RPS6KC1: variants seen among roughly 807,000 people sequenced by gnomAD.
The protein encoded by RPS6KC1 is ribosomal protein S6 kinase C1.
Under a neutral mutation model 103.8 loss-of-function variants are expected in RPS6KC1, and 54 were observed. That is an observed-to-expected ratio of 0.52 (90% confidence interval 0.42 to 0.65). RPS6KC1 has a LOEUF of 0.65. RPS6KC1 is among the 30% of genes least tolerant of loss of function. The pLI is 0.00. For synonymous variants in RPS6KC1, 439 were observed against 438.7 expected (o/e 1.00, Z -0.01); for missense variants, 1,151 against 1,253.8 (o/e 0.92, Z 1.24).
intron 3 of RPS6KC1, among the ~76,000 whole-genome samples, chr1:213,097,215 A>G (rs1274544447): frequency 6.6e-6 from 1 of 152,180 alleles, no homozygotes; most frequent in African/African-American, 2.4e-5. Flanking sequence ...TTAGCCAGGC[A>G]TGGTAGTGTG....
At chr1:213,316,067 C>T in the RPS6KC1 span, among the ~76,000 whole-genome samples, 1 of 152,242 alleles carries the variant, frequency 6.6e-6, no homozygotes, top group African/African-American at 2.4e-5. Flanking sequence ...ATAATCCCCA[C>T]ATGTTGAGGG....
chr1:213,746,659 A>C, the RPS6KC1 span, among the ~76,000 whole-genome samples: 1 of 152,212 alleles, frequency 6.6e-6, no homozygotes, highest in Non-Finnish European at 1.5e-5. Context: ...AATAGAGAGC[A>C]AGGGTAGAGC....
chr1:213,602,837 G>T, the RPS6KC1 span, among the ~76,000 whole-genome samples: 6,050 of 152,264 alleles, frequency 0.04, 159 homozygotes, highest in Non-Finnish European at 0.064. Flanking sequence ...TTATTTCATA[G>T]AATTTTCCTA....
At chr1:213,071,106 G>C in intron 2 of RPS6KC1, 65 bp downstream of exon 2, 1 of 970,476 alleles carries the variant, frequency 1.0e-6, no homozygotes, top group South Asian at 1.6e-5. Context: ...GCTTTTTTGA[G>C]GAAATTGCCT....
chr1:213,471,824 A>G, the RPS6KC1 span, among the ~76,000 whole-genome samples: 87 of 152,152 alleles, frequency 5.7e-4, no homozygotes, highest in African/African-American at 1.8e-3. Context: ...TTTGGTTCCA[A>G]GTATAACATA....
the RPS6KC1 span, among the ~76,000 whole-genome samples, chr1:213,654,878 C>T: frequency 1.3e-5 from 2 of 152,042 alleles, no homozygotes; most frequent in Non-Finnish European, 2.9e-5. Flanking sequence ...ATGTTCACGT[C>T]GACTTCATTT....
chr1:213,762,366 A>C, the RPS6KC1 span, among the ~76,000 whole-genome samples: 1 of 152,166 alleles, frequency 6.6e-6, no homozygotes, highest in South Asian at 2.1e-4. Flanking sequence ...AGGAAGGGAA[A>C]CACATCTTTA....
intron 14 of RPS6KC1, among the ~76,000 whole-genome samples, chr1:213,265,431 ACATGTTTATGTGTTTC>A (rs2094891058): frequency 1.3e-5 from 2 of 152,352 alleles, no homozygotes; most frequent in South Asian, 4.1e-4. Context: ...GAAAGAACTT[ACATGTTTATGTGTTTC>A]CTGAAATACT....
At chr1:213,358,985 C>T in the RPS6KC1 span, among the ~76,000 whole-genome samples, 1 of 152,082 alleles carries the variant, frequency 6.6e-6, no homozygotes, top group Non-Finnish European at 1.5e-5. Flanking sequence ...ACTATGTGGT[C>T]AATTTTGGAA....
chr1:213,617,554 T>C, the RPS6KC1 span, among the ~76,000 whole-genome samples: 1 of 152,238 alleles, frequency 6.6e-6, no homozygotes, highest in African/African-American at 2.4e-5. Context: ...TGGAAGCTTA[T>C]TATGAGTGGG....
chr1:213,363,828 T>A, the RPS6KC1 span, among the ~76,000 whole-genome samples: 1 of 147,716 alleles, frequency 6.8e-6, no homozygotes, highest in South Asian at 2.2e-4. Context: ...TCTCTTTTTT[T>A]TTTTTTTCTG....
the RPS6KC1 span, among the ~76,000 whole-genome samples, chr1:213,541,623 A>G: frequency 6.6e-6 from 1 of 152,218 alleles, no homozygotes; most frequent in Admixed American, 6.5e-5. Flanking sequence ...GCTTACGTTT[A>G]ATAACCACAA....
the RPS6KC1 span, among the ~76,000 whole-genome samples, chr1:213,511,026 G>A: frequency 3.3e-5 from 5 of 152,160 alleles, no homozygotes; most frequent in South Asian, 2.1e-4. Context: ...GGAGAAATCC[G>A]AAAGAGAAGT....
the RPS6KC1 span, among the ~76,000 whole-genome samples, chr1:213,793,224 G>C: frequency 9.9e-5 from 15 of 152,230 alleles, no homozygotes; most frequent in Admixed American, 2.0e-4. Context: ...TATAGACCTG[G>C]GCTTGCTCCA....
At chr1:213,819,154 A>G in the RPS6KC1 span, 1 of 152,242 alleles carries the variant, frequency 6.6e-6, no homozygotes, top group African/African-American at 2.4e-5. Flanking sequence ...AGAGACTGAA[A>G]GAGATTAAAT....
chr1:213,798,644 A>G, the RPS6KC1 span, among the ~76,000 whole-genome samples: 1 of 152,324 alleles, frequency 6.6e-6, no homozygotes, highest in South Asian at 2.1e-4. Flanking sequence ...GTTTGGGCAG[A>G]AGAGGAGAAG....
At chr1:213,310,523 G>A in the RPS6KC1 span, among the ~76,000 whole-genome samples, 1 of 152,090 alleles carries the variant, frequency 6.6e-6, no homozygotes, top group South Asian at 2.1e-4. Flanking sequence ...TAAGCTATTT[G>A]AAAGAGCACC....
intron 7 of RPS6KC1, among the ~76,000 whole-genome samples, chr1:213,175,438 A>G (rs972527042): frequency 1.3e-5 from 2 of 152,220 alleles, no homozygotes; most frequent in African/African-American, 4.8e-5. Context: ...TTTGATAGCA[A>G]TAAGGTCTGC....
At chr1:213,099,708 A>C (rs1382251561) in intron 3 of RPS6KC1, among the ~76,000 whole-genome samples, 1 of 152,180 alleles carries the variant, frequency 6.6e-6, no homozygotes, top group South Asian at 2.1e-4. Flanking sequence ...ACTATATATT[A>C]GTTTTGTACA....
Sources: allele counts gnomAD v4.1 joint callset (sites outside exome capture counted in the v4.1 genomes callset), GRCh38; gene constraint gnomAD v4.1.1; transcripts MANE v1.5; gene names NCBI Gene and HGNC (gene_info 2026-07-23, HGNC 2026-07-21).